The following OSBPL10 variants were observed in gnomAD, a reference collection of about 807,000 sequenced individuals.
The protein encoded by OSBPL10 is oxysterol binding protein like 10.
Under a neutral mutation model 81.7 loss-of-function variants are expected in OSBPL10, and 49 were observed. The observed-to-expected ratio is 0.60, with a 90% CI of 0.48 to 0.76. The LOEUF (loss-of-function observed/expected upper bound fraction) is 0.76, where lower values mean the gene tolerates loss of function less well. Ranked by LOEUF, OSBPL10 falls within the 30% of genes least tolerant of loss-of-function variation. The probability of loss-of-function intolerance (pLI) is 0.00; values close to 1 mark genes in which losing one functional copy is unlikely to be tolerated. For missense variants in OSBPL10, 923 were observed against 987.8 expected (o/e 0.93, Z 0.88); for synonymous variants, 419 against 383.6 (o/e 1.09, Z -1.08).
intron 4 of OSBPL10, among the ~76,000 whole-genome samples, chr3:31,759,243 C>T (rs749324081): frequency 6.6e-6 from 1 of 152,032 alleles, no homozygotes; most frequent in African/African-American, 2.4e-5. Flanking sequence ...TGAGTAAGTG[C>T]CTCATATGCT....
At chr3:31,744,818 C>A (rs906413239) in intron 5 of OSBPL10, among the ~76,000 whole-genome samples, 8 of 151,350 alleles carry the variant, frequency 5.3e-5, no homozygotes, top group African/African-American at 1.9e-4. Context: ...TCTAGGAAGC[C>A]CTGAAGAAAT....
intron 1 of OSBPL10, among the ~76,000 whole-genome samples, chr3:31,959,569 T>A (rs970609231): frequency 6.6e-6 from 1 of 152,176 alleles, no homozygotes; most frequent in African/African-American, 2.4e-5. Context: ...GAACATCAGA[T>A]GAGTCTCAGG....
At chr3:31,836,173 C>T (rs912495652) in intron 3 of OSBPL10, among the ~76,000 whole-genome samples, 5 of 152,274 alleles carry the variant, frequency 3.3e-5, no homozygotes, top group East Asian at 1.9e-4. Flanking sequence ...TCCAGAAATA[C>T]GAGTTTCAAC....
At chr3:32,045,368 C>T (rs552169409) in intron 2 of OSBPL10, among the ~76,000 whole-genome samples, 17 of 152,186 alleles carry the variant, frequency 1.1e-4, no homozygotes, top group South Asian at 8.3e-4. Flanking sequence ...GCAGCTGTTA[C>T]GGTGATTATG....
intron 4 of OSBPL10, among the ~76,000 whole-genome samples, chr3:31,757,814 A>C (rs1390207516): frequency 6.6e-6 from 1 of 152,236 alleles, no homozygotes. Flanking sequence ...ATGCTGTAGA[A>C]GACCAAAAAT....
intron 1 of OSBPL10, among the ~76,000 whole-genome samples, chr3:31,961,993 C>T (rs1292909751): frequency 6.9e-6 from 1 of 145,494 alleles, no homozygotes; most frequent in Non-Finnish European, 1.5e-5. Context: ...CTCGCTCTGT[C>T]GCCCAGGCTG....
At chr3:32,011,914 A>G (rs993336554) in intron 2 of OSBPL10, among the ~76,000 whole-genome samples, 17 of 152,330 alleles carry the variant, frequency 1.1e-4, no homozygotes, top group Admixed American at 9.8e-4. Context: ...AAAGAAATGA[A>G]CAAAGCCTCC....
intron 1 of OSBPL10, among the ~76,000 whole-genome samples, chr3:31,937,761 T>C (rs1343615426): frequency 1.3e-5 from 2 of 152,210 alleles, no homozygotes; most frequent in Non-Finnish European, 2.9e-5. Context: ...AAGCACATTG[T>C]AGCTTCTCCT....
At chr3:31,688,104 G>A (rs551389592) in intron 7 of OSBPL10, among the ~76,000 whole-genome samples, 7 of 151,800 alleles carry the variant, frequency 4.6e-5, no homozygotes, top group African/African-American at 9.7e-5. Flanking sequence ...CGTAGGAGGC[G>A]TGGCTCCTGA....
chr3:31,935,592 T>A (rs922869872), intron 1 of OSBPL10, among the ~76,000 whole-genome samples: 1 of 151,872 alleles, frequency 6.6e-6, no homozygotes, highest in Non-Finnish European at 1.5e-5. Flanking sequence ...GGTATGATCT[T>A]GGCTCACTGC....
intron 4 of OSBPL10, among the ~76,000 whole-genome samples, chr3:31,764,177 G>T (rs980149412): frequency 6.6e-6 from 1 of 152,246 alleles, no homozygotes; most frequent in Non-Finnish European, 1.5e-5. Context: ...CTCTGAGCAT[G>T]CACTTTTAAA....
chr3:31,949,504 TA>T (rs1408718055), intron 1 of OSBPL10, among the ~76,000 whole-genome samples: 1 of 150,954 alleles, frequency 6.6e-6, no homozygotes, highest in Non-Finnish European at 1.5e-5. Flanking sequence ...CGGTCTCTAC[TA>T]AAAATACAAA....
chr3:31,915,422 T>C (rs1331601529), intron 1 of OSBPL10, among the ~76,000 whole-genome samples: 1 of 152,134 alleles, frequency 6.6e-6, no homozygotes, highest in African/African-American at 2.4e-5. Flanking sequence ...CATGGAATAC[T>C]ACCCAGCCAT....
intron 4 of OSBPL10, among the ~76,000 whole-genome samples, chr3:31,826,810 T>C (rs77331403): frequency 0.025 from 3,743 of 152,282 alleles, 95 homozygotes; most frequent in South Asian, 0.091. Context: ...CATCACAAAA[T>C]GACAAATTCC....
chr3:31,810,816 C>T (rs1358501382), intron 4 of OSBPL10, among the ~76,000 whole-genome samples: 1 of 152,180 alleles, frequency 6.6e-6, no homozygotes, highest in African/African-American at 2.4e-5. Flanking sequence ...AACTGGCACT[C>T]CCTAACATCA....
chr3:31,885,217 A>G (rs912215194), intron 1 of OSBPL10, among the ~76,000 whole-genome samples: 2 of 152,176 alleles, frequency 1.3e-5, no homozygotes, highest in African/African-American at 2.4e-5. Context: ...CCACAAACAT[A>G]CATGCATCTC....
chr3:31,882,762 C>T (rs1695620755), intron 1 of OSBPL10, among the ~76,000 whole-genome samples: 1 of 152,162 alleles, frequency 6.6e-6, no homozygotes, highest in South Asian at 2.1e-4. Flanking sequence ...AAGAGCATCA[C>T]CTGCTGAGCA....
chr3:31,935,013 G>A (rs760056913), intron 1 of OSBPL10, among the ~76,000 whole-genome samples: 4 of 152,146 alleles, frequency 2.6e-5, no homozygotes, highest in East Asian at 3.9e-4. Context: ...AACTCTTAGC[G>A]CTTGGCCTTC....
intron 2 of OSBPL10, among the ~76,000 whole-genome samples, chr3:31,995,027 AG>A (rs1559545898): frequency 6.6e-6 from 1 of 152,230 alleles, no homozygotes; most frequent in Non-Finnish European, 1.5e-5. Context: ...GTATATGAAT[AG>A]GGAGTAGGTC....
Sources: allele counts gnomAD v4.1 joint callset (sites outside exome capture counted in the v4.1 genomes callset), GRCh38; gene constraint gnomAD v4.1.1; transcripts MANE v1.5; gene names NCBI Gene and HGNC (gene_info 2026-07-23, HGNC 2026-07-21).